TENM1: variants seen among roughly 807,000 people sequenced by gnomAD.
TENM1 encodes the protein teneurin-1.
A neutral mutation model predicts 174.8 loss-of-function variants in TENM1; 35 were observed. The observed-to-expected ratio is 0.20, with a 90% CI of 0.15 to 0.27. The LOEUF (loss-of-function observed/expected upper bound fraction) is 0.27, where lower values mean the gene tolerates loss of function less well. Ranked by LOEUF, TENM1 falls within the 10% of genes least tolerant of loss-of-function variation. The pLI is 1.00. For synonymous variants in TENM1, 781 were observed against 798.7 expected, an observed-to-expected ratio of 0.98 and a Z score of 0.37; for missense variants, 1,633 against 2,130.1, an observed-to-expected ratio of 0.77 and a Z score of 4.59.
At chrX:124,570,379 C>G (rs2049030540) in intron 11 of TENM1, among the ~76,000 whole-genome samples, 1 of 111,215 alleles carries the variant, frequency 9.0e-6, no homozygotes, top group African/African-American at 3.3e-5. Flanking sequence ...ATATAAAATT[C>G]TGAAGGATAT....
chrX:124,386,910 C>T (rs1603245743), intron 28 of TENM1, among the ~76,000 whole-genome samples: 3 of 108,650 alleles, frequency 2.8e-5, no homozygotes, highest in Non-Finnish European at 5.7e-5. Context: ...AGTTAAGGGA[C>T]GGTTGCAAGA....
chrX:124,523,401 G>C, exon 17 of TENM1: 3 of 1,211,606 alleles, frequency 2.5e-6, no homozygotes, highest in Non-Finnish European at 3.4e-6. Context: ...CTCTGGACAG[G>C]ACCCTCCAAA....
At chrX:124,842,032 CATACTT>C (rs1172442760) in intron 3 of TENM1, among the ~76,000 whole-genome samples, 1 of 111,785 alleles carries the variant, frequency 8.9e-6, no homozygotes, top group African/African-American at 3.3e-5. Context: ...CATTTAATCT[CATACTT>C]ATAGTGTTAC....
intron 5 of TENM1, chrX:124,688,634 C>A: frequency 7.9e-6 from 1 of 126,781 alleles, no homozygotes; most frequent in Non-Finnish European, 1.7e-5. Flanking sequence ...ATTCGCACAG[C>A]AATATAGCTT....
intron 25 of TENM1, among the ~76,000 whole-genome samples, chrX:124,408,781 T>C (rs1210431610): frequency 9.8e-6 from 1 of 102,542 alleles, no homozygotes; most frequent in Non-Finnish European, 2.0e-5. Flanking sequence ...AACTCGTCAT[T>C]TAACATTAGG....
chrX:124,477,664 A>G (rs1409549042), intron 22 of TENM1, among the ~76,000 whole-genome samples: 1 of 108,975 alleles, frequency 9.2e-6, no homozygotes, highest in African/African-American at 3.3e-5. Context: ...AGGCAGGAGA[A>G]TCGCTGGAAC....
chrX:124,874,916 G>C (rs73215158), intron 3 of TENM1, among the ~76,000 whole-genome samples: 2 of 110,932 alleles, frequency 1.8e-5, no homozygotes, highest in East Asian at 5.6e-4. Context: ...ATAGCACCCC[G>C]CTAATTTATT....
At chrX:125,012,185 G>C in the TENM1 span, among the ~76,000 whole-genome samples, 1 of 111,282 alleles carries the variant, frequency 9.0e-6, no homozygotes, top group Non-Finnish European at 1.9e-5. Context: ...GGCCTGTCGT[G>C]GGGTGGGAGC....
At chrX:125,115,335 A>C in the TENM1 span, among the ~76,000 whole-genome samples, 1 of 111,770 alleles carries the variant, frequency 8.9e-6, no homozygotes, top group South Asian at 3.7e-4. Flanking sequence ...GCACAAGACA[A>C]GGATACCCTC....
the TENM1 span, among the ~76,000 whole-genome samples, chrX:125,119,023 T>A: frequency 9.0e-6 from 1 of 111,213 alleles, no homozygotes; most frequent in Non-Finnish European, 1.9e-5. Flanking sequence ...TATGTGTATA[T>A]ATATTTCTCA....
At chrX:124,815,861 T>C (rs2055884634) in intron 3 of TENM1, among the ~76,000 whole-genome samples, 2 of 111,413 alleles carry the variant, frequency 1.8e-5, no homozygotes, top group African/African-American at 6.5e-5. Context: ...TGCAACAAAA[T>C]AAGGTAAAAT....
At chrX:124,702,563 G>T (rs2052801120) in intron 5 of TENM1, among the ~76,000 whole-genome samples, 1 of 112,224 alleles carries the variant, frequency 8.9e-6, no homozygotes, top group South Asian at 3.7e-4. Flanking sequence ...ATATCTAATT[G>T]AATTTGTAAT....
intron 3 of TENM1, among the ~76,000 whole-genome samples, chrX:124,894,003 C>T (rs967402055): frequency 9.0e-6 from 1 of 111,552 alleles, no homozygotes; most frequent in Non-Finnish European, 1.9e-5. Flanking sequence ...TCCAACCCAA[C>T]CTGATTTCAG....
At chrX:125,138,547 G>A in the TENM1 span, among the ~76,000 whole-genome samples, 2 of 111,333 alleles carry the variant, frequency 1.8e-5, no homozygotes, top group Non-Finnish European at 3.8e-5. Flanking sequence ...GTTGATGGAT[G>A]GATCTCACAA....
chrX:124,561,506 T>A (rs1358713973), intron 14 of TENM1, among the ~76,000 whole-genome samples, 165 bp downstream of exon 17: 1 of 111,770 alleles, frequency 8.9e-6, no homozygotes, highest in East Asian at 2.8e-4. Flanking sequence ...ATTCAATAAG[T>A]AATGTCTTCT....
At chrX:124,767,563 CT>C (rs2054563481) in intron 3 of TENM1, among the ~76,000 whole-genome samples, 1 of 111,032 alleles carries the variant, frequency 9.0e-6, no homozygotes, top group Admixed American at 9.6e-5. Flanking sequence ...TCTATCTATT[CT>C]TTTTTACACC....
At chrX:124,740,984 C>T (rs189852819) in intron 3 of TENM1, among the ~76,000 whole-genome samples, 16 of 111,387 alleles carry the variant, frequency 1.4e-4, no homozygotes, top group Non-Finnish European at 2.8e-4. Flanking sequence ...ACTTACAAAG[C>T]TTTCTGAAAA....
intron 27 of TENM1, among the ~76,000 whole-genome samples, chrX:124,402,046 G>C (rs923875917): frequency 1.8e-5 from 2 of 112,189 alleles, no homozygotes; most frequent in African/African-American, 6.5e-5. Flanking sequence ...TGATGCAGTA[G>C]AAAGAGTGCC....
intron 11 of TENM1, among the ~76,000 whole-genome samples, chrX:124,611,560 C>G (rs1360576443): frequency 9.0e-6 from 1 of 111,558 alleles, no homozygotes; most frequent in East Asian, 2.8e-4. Context: ...AATTCAAAAT[C>G]AGCTGCCTCC....
Sources: gnomAD v4.1 joint callset for allele counts (sites outside exome capture counted in the v4.1 genomes callset) on GRCh38, gnomAD v4.1.1 for gene constraint, MANE v1.5 for transcripts, NCBI Gene and HGNC (gene_info 2026-07-23, HGNC 2026-07-21) for gene names.